The following HES7 variants were observed in gnomAD, a reference collection of about 807,000 sequenced individuals.
HES7 encodes the protein transcription factor HES-7.
HES7 carries 8 observed loss-of-function variants against 18.0 expected under a neutral mutation model. The ratio of observed to expected loss-of-function variants is 0.45; its 90% CI spans 0.26 to 0.80. The LOEUF (loss-of-function observed/expected upper bound fraction) is 0.80. Among genes scored for constraint, HES7 ranks in the 30% least tolerant of loss-of-function variants. HES7 has a pLI of 0.18. For synonymous variants in HES7, 170 were observed against 158.6 expected (o/e 1.07, Z -0.54); for missense variants, 356 against 340.9 (o/e 1.04, Z -0.35).
rs1180875866 is a variant in HES7 at position 8,121,201 on chromosome 17, A to G, written c.*370T>C. 1 of 181,168 alleles carries G rather than the reference A, an allele frequency of 5.5e-6. No individual in the cohort carries two copies. Among genetic ancestry groups the G allele is most frequent in the Non-Finnish European group, 1.1e-5 (1 of 87,332 alleles). The allele number at this position is 181,168 out of a possible 1,614,324, so 11.2% of individuals were successfully genotyped here. A position where few individuals can be genotyped will look rare whatever the true frequency, so the allele number is the denominator to read the frequency against. On this transcript the variant is annotated 3_prime_UTR_variant, in exon 4 of 4. Coordinates refer to ENST00000541682, the MANE Select transcript of HES7 (RefSeq NM_001165967.2). ...GAGCAGGACTGAGGGTGGGAGACAG[A>G]AGGGAAGGGAAAGTGGGCGTGGACG...
rs530341935 is a variant in HES7 at position 8,124,098 on chromosome 17, C to T, written c.-14G>A. The T allele has an allele frequency of 1.1e-3, 1,851 of 1,614,012 alleles. 27 individuals are homozygous for T. In the South Asian group the frequency reaches 0.018, roughly 15 times the overall value. On this transcript the variant is annotated 5_prime_UTR_variant, in exon 1 of 4. Transcript: ENST00000541682. ...CCGGGTGACCATTGCTCCTCCGGAC[C>T]CTGTGTGGACCGGTTCCCTGCTCGC...
At position 8,120,985 on chromosome 17, in the gene HES7, G is replaced by A. The variant is rs749082436; in HGVS notation, c.*586C>T. On this transcript the variant is annotated 3_prime_UTR_variant, in exon 4 of 4. Transcript: ENST00000541682. Reference sequence around the variant, plus strand: ...TAGTGACGAATAGAGCAATTCAAAGGTTGTGGGTTCGAATCCCACCAGAGT... The same window carrying A: ...TAGTGACGAATAGAGCAATTCAAAGATTGTGGGTTCGAATCCCACCAGAGT... The A allele has an allele frequency of 5.2e-5, 8 of 152,708 alleles. No homozygotes were observed. The highest frequency in any genetic ancestry group is 1.2e-4 in the Non-Finnish European group (8 of 68,072). The allele number at this position is 152,708 out of a possible 1,614,324, so 9.5% of individuals were successfully genotyped here.
At position 8,123,243 on chromosome 17, in the gene HES7, G is replaced by T. The variant is rs1021852812; in HGVS notation, c.43-117C>A. The T allele has an allele frequency of 3.9e-6, 3 of 774,210 alleles. No homozygotes were observed. In the Admixed American group the frequency reaches 6.1e-5, roughly 16 times the overall value. The allele number at this position is 774,210 out of a possible 1,614,324, so 48.0% of individuals were successfully genotyped here. On this transcript the variant is annotated intron_variant, in intron 1 of 3. Transcript: ENST00000541682. The surrounding 1 kb of genome is among the most constrained non-coding windows in gnomAD (Gnocchi z 5.9). ...CTTCCACCCCGGCCACAAGACCCCA[G>T]ATTGCCTAGGGCCGGCCCCATTCGA... is the stretch of plus-strand genomic sequence containing the variant.
chr17:8,120,693 C>T lies in HES7; in HGVS notation c.*878G>A, dbSNP rs1255128283. 6.6e-6 allele frequency: 1 copy of T among 152,634 alleles called. No homozygotes were observed. Among genetic ancestry groups the T allele is most frequent in the Non-Finnish European group, 1.5e-5 (1 of 68,068 alleles). The allele number at this position is 152,634 out of a possible 1,614,324, so 9.5% of individuals were successfully genotyped here. On this transcript the variant is annotated 3_prime_UTR_variant, in exon 4 of 4. Transcript: ENST00000541682. ...GCGGGCAGCCGGAGCTCTGCACTCG[C>T]TCGCTCAGCCATTTTCGGTTGCTCT... is the stretch of plus-strand genomic sequence containing the variant.
rs938201039 is a variant in HES7 at position 8,123,342 on chromosome 17, C to T, written c.43-216G>A. On this transcript the variant is annotated intron_variant, in intron 1 of 3. Coordinates refer to ENST00000541682, the MANE Select transcript of HES7 (RefSeq NM_001165967.2). The surrounding 1 kb of genome is among the most constrained non-coding windows in gnomAD (Gnocchi z 5.9). ...CGCCTCCCCGGATCTTCGCATTCTC[C>T]TCTCTCAGTCTCGTCCTCCCTCCTC... The T allele has an allele frequency of 4.7e-5, 28 of 598,926 alleles. No homozygotes were observed. Among genetic ancestry groups the T allele is most frequent in the Non-Finnish European group, 7.8e-5 (26 of 334,268 alleles). The allele number at this position is 598,926 out of a possible 1,614,324, so 37.1% of individuals were successfully genotyped here.
In HES7 at chr17:8,121,172, T is replaced by G; in HGVS notation, c.*399A>C. 4 of 169,182 alleles carry G rather than the reference T, an allele frequency of 2.4e-5. No homozygotes were observed. Among genetic ancestry groups the G allele is most frequent in the Non-Finnish European group, 2.5e-5 (2 of 79,488 alleles). 10.5% of individuals were successfully genotyped at this position (169,182 alleles called of 1,614,324 possible). On this transcript the variant is annotated 3_prime_UTR_variant, in exon 4 of 4. Coordinates refer to ENST00000541682, the MANE Select transcript of HES7 (RefSeq NM_001165967.2). ...CCTGTCTGCCCCGGGGCTTGGGCCA[T>G]GGAGAGCAGGACTGAGGGTGGGAGA... is the stretch of plus-strand genomic sequence containing the variant.
chr17:8,126,043 G>A (rs1215026326), upstream of HES7, among the ~76,000 whole-genome samples: 6 of 141,280 alleles, frequency 4.2e-5, no homozygotes, highest in Non-Finnish European at 1.6e-5. Flanking sequence ...TCCCCGGCCC[G>A]CACCTCCGCA....
In HES7 at chr17:8,121,005, C is replaced by T. The variant is rs543291130; in HGVS notation, c.*566G>A. 1 of 152,828 alleles carries T rather than the reference C, an allele frequency of 6.5e-6. No individual in the cohort carries two copies. The highest frequency in any genetic ancestry group is 1.5e-5 in the Non-Finnish European group (1 of 68,070). The allele number at this position is 152,828 out of a possible 1,614,324, so 9.5% of individuals were successfully genotyped here. A position where few individuals can be genotyped will look rare whatever the true frequency, so the allele number is the denominator to read the frequency against. ...CAAAGGTTGTGGGTTCGAATCCCAC[C>T]AGAGTCGATTTTATTTCAATTTTTC... On this transcript the variant is annotated 3_prime_UTR_variant, in exon 4 of 4. Coordinates refer to ENST00000541682, the MANE Select transcript of HES7 (RefSeq NM_001165967.2).
Position 8,121,631 on chromosome 17 carries a change from T to C in HES7, c.633A>G (p.Gln211=), listed in dbSNP as rs1981327386. 7.6e-7 allele frequency: 1 copy of C among 1,314,422 alleles called. No individual in the cohort carries two copies. The highest frequency in any genetic ancestry group is 3.1e-5 in the East Asian group (1 of 32,078). The allele number at this position is 1,314,422 out of a possible 1,614,324, so 81.4% of individuals were successfully genotyped here. Residue 211 remains glutamine (Q), a synonymous_variant, in exon 4 of 4, where the codon CAA becomes CAG. Transcript: ENST00000541682. ...GCAGCGGGGCCTTGGGCGCCCCGTC[T>C]TGTCTGTGAGGCGGCGGTGGCGGCG... ...LLPPPPPPHR[Q]DGAPKAPLPP...
At position 8,122,227 on chromosome 17, in the gene HES7, C is replaced by G. The variant is rs1340794491; in HGVS notation, c.226+116G>C. 28 of 1,004,318 alleles carry G rather than the reference C, an allele frequency of 2.8e-5. No homozygotes were observed. Among genetic ancestry groups the G allele is most frequent in the Non-Finnish European group, 4.2e-5 (28 of 667,172 alleles). 62.2% of individuals were successfully genotyped at this position (1,004,318 alleles called of 1,614,324 possible). A position where few individuals can be genotyped will look rare whatever the true frequency, so the allele number is the denominator to read the frequency against. On this transcript the variant is annotated intron_variant, in intron 3 of 3. Transcript: ENST00000541682. This position sits in a 1 kb window ranked among gnomAD's most constrained non-coding sequence, Gnocchi z 6.9. ...GGGTGTTATTAACCTCGCCTCGGAGCAGAACCGGCCACTCCCCAAGCCCAC... is the reference window on the plus strand; with the variant it reads ...GGGTGTTATTAACCTCGCCTCGGAGGAGAACCGGCCACTCCCCAAGCCCAC...
At chr17:8,124,367 G>A (rs1289134088), upstream of HES7, among the ~76,000 whole-genome samples, 1 of 152,174 alleles carries the variant, frequency 6.6e-6, no homozygotes, top group Admixed American at 6.5e-5. Context: ...GAAAGGAGGA[G>A]GCTATTGGGG....
chr17:8,121,651 GCGGCGGCAGCAGTCCGGTGAGGGGCGC>G lies in HES7; in HGVS notation c.586_612del (p.Ala196_Pro204del), dbSNP rs1325591629. 7.6e-7 allele frequency: 1 copy of G among 1,320,918 alleles called. No individual in the cohort carries two copies. Among genetic ancestry groups the G allele is most frequent in the African/African-American group, 1.5e-5 (1 of 64,796 alleles). 81.8% of individuals were successfully genotyped at this position (1,320,918 alleles called of 1,614,324 possible). A position where few individuals can be genotyped will look rare whatever the true frequency, so the allele number is the denominator to read the frequency against. Reference sequence around the variant, plus strand: ...CCGTCTTGTCTGTGAGGCGGCGGTGGCGGCGGCAGCAGTCCGGTGAGGGGCGCCGGCGCGCCAGAATCCCCGGCGCGC... The same window carrying G: ...CCGTCTTGTCTGTGAGGCGGCGGTGGCGGCGCGCCAGAATCCCCGGCGCGC... On this transcript the variant is annotated inframe_deletion, in exon 4 of 4. Coordinates refer to ENST00000541682, the MANE Select transcript of HES7 (RefSeq NM_001165967.2).
chr17:8,126,389 G>A (rs1010822037), upstream of HES7, among the ~76,000 whole-genome samples: 1 of 152,034 alleles, frequency 6.6e-6, no homozygotes, highest in Non-Finnish European at 1.5e-5. Context: ...CCGCGTCTTG[G>A]CGTCTGCATC....
chr17:8,120,654 G>C lies in HES7; in HGVS notation c.*917C>G, dbSNP rs1287714375. 6.6e-6 allele frequency: 1 copy of C among 152,390 alleles called. No homozygotes were observed. Among genetic ancestry groups the C allele is most frequent in the Non-Finnish European group, 1.5e-5 (1 of 68,040 alleles). 9.4% of individuals were successfully genotyped at this position (152,390 alleles called of 1,614,324 possible). On this transcript the variant is annotated 3_prime_UTR_variant, in exon 4 of 4. Coordinates refer to ENST00000541682, the MANE Select transcript of HES7 (RefSeq NM_001165967.2). Reference sequence around the variant, plus strand: ...CTGGGAGTGGGGAGCGCCTGAGCCGGAAACACCCCCCAAGCGGGCAGCCGG... The same window carrying C: ...CTGGGAGTGGGGAGCGCCTGAGCCGCAAACACCCCCCAAGCGGGCAGCCGG...
chr17:8,123,453 T>G lies in HES7; in HGVS notation c.43-327A>C, dbSNP rs1981467320. 2.3e-6 allele frequency: 1 copy of G among 436,142 alleles called. No homozygotes were observed. The highest frequency in any genetic ancestry group is 2.4e-5 in the South Asian group (1 of 40,910). The allele number at this position is 436,142 out of a possible 1,614,324, so 27.0% of individuals were successfully genotyped here. On this transcript the variant is annotated intron_variant, in intron 1 of 3. Transcript: ENST00000541682. The surrounding 1 kb of genome is among the most constrained non-coding windows in gnomAD (Gnocchi z 5.9). ...TGTCTCAGTGGAGAACTTTGGGGAC[T>G]CTCTGCGCGCACGCACGTGCGCCGC...
upstream of HES7, chr17:8,124,161 A>G: frequency 6.4e-7 from 1 of 1,574,658 alleles, no homozygotes; most frequent in African/African-American, 1.3e-5. Context: ...GGTAGGAGGG[A>G]TAGGACCCGA....
At chr17:8,125,994 G>A (rs1326811855), upstream of HES7, among the ~76,000 whole-genome samples, 2 of 151,996 alleles carry the variant, frequency 1.3e-5, no homozygotes, top group African/African-American at 4.8e-5. Context: ...CCTCCTCCCA[G>A]CATGGGGGTC....
chr17:8,122,070 G>C lies in HES7; in HGVS notation c.227-33C>G, dbSNP rs1199540673. 7.5e-6 allele frequency: 11 copies of C among 1,472,348 alleles called. No homozygotes were observed. The South Asian group carries it at 7.9e-5, about 11-fold the overall frequency. The allele number at this position is 1,472,348 out of a possible 1,614,324, so 91.2% of individuals were successfully genotyped here. ...GGCCGGCGGGAGCACAGGTGGGCAG[G>C]GCAGGGGCCCGGCAGGGGTGAGGGA... On this transcript the variant is annotated intron_variant, in intron 3 of 3. Transcript: ENST00000541682. This position sits in a 1 kb window ranked among gnomAD's most constrained non-coding sequence, Gnocchi z 6.9.
chr17:8,126,028 CT>C (rs1238684157), upstream of HES7, among the ~76,000 whole-genome samples: 2 of 151,996 alleles, frequency 1.3e-5, no homozygotes, highest in African/African-American at 2.4e-5. Flanking sequence ...ACCCCCCTCC[CT>C]CCGTCCCCGG....
Sources: gnomAD v4.1 joint callset for allele counts (sites outside exome capture counted in the v4.1 genomes callset) on GRCh38, gnomAD v4.1.1 for gene constraint, Gnocchi (gnomAD v3.1) non-coding constraint, MANE v1.5 for transcripts, NCBI Gene and HGNC (gene_info 2026-07-23, HGNC 2026-07-21) for gene names.